The following TMEM132D variants were observed in gnomAD, a reference collection of about 807,000 sequenced individuals.
TMEM132D encodes the protein mature OL transmembrane protein.
A neutral mutation model predicts 62.3 loss-of-function variants in TMEM132D; 21 were observed. That is an observed-to-expected ratio of 0.34 (90% CI 0.24 to 0.49). The LOEUF is 0.49. TMEM132D is among the 20% of genes least tolerant of loss of function. The pLI, the probability that TMEM132D is intolerant of heterozygous loss-of-function variation, is 0.99. For missense variants in TMEM132D, 1,346 were observed against 1,402.8 expected (o/e 0.96, Z 0.65); for synonymous variants, 621 against 575.6 (o/e 1.08, Z -1.13).
At chr12:129,776,538 G>C (rs1383529368) in intron 1 of TMEM132D, among the ~76,000 whole-genome samples, 2 of 151,856 alleles carry the variant, frequency 1.3e-5, no homozygotes, top group Admixed American at 6.6e-5. Context: ...AAAGGAAAAA[G>C]CCGAATATTC....
intron 7 of TMEM132D, among the ~76,000 whole-genome samples, chr12:129,080,929 G>GC (rs1331251934): frequency 6.6e-6 from 1 of 152,070 alleles, no homozygotes; most frequent in Non-Finnish European, 1.5e-5. Flanking sequence ...AGCAGAAGGG[G>GC]CCCACGAGAC....
intron 1 of TMEM132D, among the ~76,000 whole-genome samples, chr12:129,817,343 T>C (rs985719398): frequency 1.3e-5 from 2 of 152,210 alleles, no homozygotes; most frequent in Admixed American, 1.3e-4. Context: ...GTTCTGCTAG[T>C]CAGCCTTCAC....
At chr12:129,689,939 C>A (rs886482175) in intron 2 of TMEM132D, among the ~76,000 whole-genome samples, 1 of 152,156 alleles carries the variant, frequency 6.6e-6, no homozygotes, top group Non-Finnish European at 1.5e-5. Flanking sequence ...AAGCGCCACT[C>A]CCAAATGTGG....
intron 2 of TMEM132D, among the ~76,000 whole-genome samples, chr12:129,535,773 T>TGTGC (rs1555263425): frequency 3.5e-5 from 3 of 86,944 alleles, no homozygotes; most frequent in East Asian, 2.8e-4. Context: ...TTAAGATTTG[T>TGTGC]GTGCGTGTGT....
At chr12:129,773,051 A>G (rs1436414192) in intron 1 of TMEM132D, among the ~76,000 whole-genome samples, 3 of 152,226 alleles carry the variant, frequency 2.0e-5, no homozygotes, top group Non-Finnish European at 2.9e-5. Context: ...TAGAACAAAC[A>G]AGGGGGAAAT....
At chr12:129,715,837 C>A (rs949046694) in intron 1 of TMEM132D, among the ~76,000 whole-genome samples, 4 of 152,312 alleles carry the variant, frequency 2.6e-5, no homozygotes, top group African/African-American at 7.2e-5. Flanking sequence ...AGTGTCCAAG[C>A]CTAGGCTATG....
intron 3 of TMEM132D, among the ~76,000 whole-genome samples, chr12:129,422,567 T>C (rs1438352946): frequency 6.6e-6 from 1 of 152,178 alleles, no homozygotes; most frequent in Admixed American, 6.5e-5. Flanking sequence ...GCAAATAAAT[T>C]AGTGTCTTGC....
chr12:129,655,668 T>C (rs1304694093), intron 2 of TMEM132D, among the ~76,000 whole-genome samples: 1 of 151,220 alleles, frequency 6.6e-6, no homozygotes, highest in Non-Finnish European at 1.5e-5. Context: ...AAAGATGCAG[T>C]TCTCATCCTC....
At chr12:129,500,901 C>T (rs185095847) in intron 3 of TMEM132D, among the ~76,000 whole-genome samples, 31 of 152,292 alleles carry the variant, frequency 2.0e-4, no homozygotes, top group Admixed American at 1.0e-3. Flanking sequence ...CTTTTTATGA[C>T]GGATTCCAGT....
At chr12:129,417,653 C>G (rs1872168146) in intron 3 of TMEM132D, among the ~76,000 whole-genome samples, 1 of 152,082 alleles carries the variant, frequency 6.6e-6, no homozygotes. Context: ...AAAGACTTAA[C>G]TACTAAAACA....
At chr12:129,272,404 G>A (rs11612420) in intron 4 of TMEM132D, among the ~76,000 whole-genome samples, 1 of 151,824 alleles carries the variant, frequency 6.6e-6, no homozygotes, top group African/African-American at 2.4e-5. Context: ...ACTGGATGAA[G>A]TCACTGGAAA....
intron 1 of TMEM132D, among the ~76,000 whole-genome samples, chr12:129,769,000 C>T (rs1870643355): frequency 6.6e-6 from 1 of 152,192 alleles, no homozygotes; most frequent in Non-Finnish European, 1.5e-5. Flanking sequence ...GAGCCCACAT[C>T]AAGTACAGTA....
chr12:129,635,442 A>G (rs973197465), intron 2 of TMEM132D, among the ~76,000 whole-genome samples: 1 of 152,190 alleles, frequency 6.6e-6, no homozygotes, highest in Non-Finnish European at 1.5e-5. Context: ...CCTGAAAGGA[A>G]AGGGAGGGAA....
At chr12:129,639,601 G>T (rs1295588842) in intron 2 of TMEM132D, among the ~76,000 whole-genome samples, 1 of 151,776 alleles carries the variant, frequency 6.6e-6, no homozygotes, top group Non-Finnish European at 1.5e-5. Context: ...TTTGCACCTG[G>T]GCCCCCTACA....
intron 5 of TMEM132D, among the ~76,000 whole-genome samples, chr12:129,179,548 TG>T (rs1195940363): frequency 6.6e-6 from 1 of 152,184 alleles, no homozygotes; most frequent in Non-Finnish European, 1.5e-5. Flanking sequence ...CCACTAAGGC[TG>T]GTAGGCAGTT....
At chr12:129,340,513 T>C (rs1869438887) in intron 3 of TMEM132D, among the ~76,000 whole-genome samples, 2 of 151,688 alleles carry the variant, frequency 1.3e-5, no homozygotes, top group Admixed American at 6.6e-5. Context: ...TGTGTCCATG[T>C]GTTCTCATTG....
At chr12:129,674,340 A>C (rs1409435411) in intron 2 of TMEM132D, among the ~76,000 whole-genome samples, 1 of 152,174 alleles carries the variant, frequency 6.6e-6, no homozygotes, top group Non-Finnish European at 1.5e-5. Context: ...CTCTTCATGC[A>C]CTTAGATTTC....
intron 1 of TMEM132D, among the ~76,000 whole-genome samples, chr12:129,800,320 T>G (rs527550091): frequency 2.0e-5 from 3 of 147,984 alleles, no homozygotes; most frequent in South Asian, 4.3e-4. Context: ...CTTAAGGAGG[T>G]GCGGGCAGAG....
chr12:129,138,505 G>A (rs1436737847), intron 5 of TMEM132D, among the ~76,000 whole-genome samples: 1 of 152,154 alleles, frequency 6.6e-6, no homozygotes, highest in Non-Finnish European at 1.5e-5. Flanking sequence ...ATCACCTGAG[G>A]TCAGGAGTTT....
Sources: allele counts gnomAD v4.1 joint callset (sites outside exome capture counted in the v4.1 genomes callset), GRCh38; gene constraint gnomAD v4.1.1; transcripts MANE v1.5; gene names NCBI Gene and HGNC (gene_info 2026-07-23, HGNC 2026-07-21).